Variants in RBX1 observed in about 807,000 individuals in gnomAD.
The protein encoded by RBX1 is ring-box 1.
For synonymous variants in RBX1, 48 were observed against 47.9 expected (o/e 1.00, Z -0.01); for missense variants, 46 against 141.4 (o/e 0.33, Z 3.42).
At chr22:40,968,032 A>G (rs909793720) in intron 4 of RBX1, 148 bp downstream of exon 4, 2 of 532,654 alleles carry the variant, frequency 3.8e-6, no homozygotes, top group Admixed American at 3.2e-5. Context: ...CTATATGGAA[A>G]ATGCACAAAG....
chr22:40,959,918 A>G (rs1223663767), intron 2 of RBX1, among the ~76,000 whole-genome samples: 2 of 152,118 alleles, frequency 1.3e-5, no homozygotes, highest in Non-Finnish European at 2.9e-5. Flanking sequence ...GGAGTTAAAG[A>G]CCAGCCTGGC....
chr22:40,955,154 A>G (rs766831340), intron 2 of RBX1, among the ~76,000 whole-genome samples: 13 of 152,136 alleles, frequency 8.5e-5, no homozygotes, highest in South Asian at 2.1e-4. Context: ...TTTTTTGCCT[A>G]GAATATTCTT....
chr22:40,967,665 T>C, intron 3 of RBX1, 134 bp from the exon 4 acceptor site: 1 of 613,440 alleles, frequency 1.6e-6, no homozygotes, highest in Non-Finnish European at 2.9e-6. Context: ...TTGTTGAACT[T>C]TTGCCTCTCG....
rs547995606 is a variant in RBX1, at chr22:40,968,343, G to A, written c.314+459G>A. On this transcript the variant is annotated intron_variant, in intron 4 of 4. Coordinates refer to ENST00000216225, the MANE Select transcript of RBX1 (RefSeq NM_014248.4). ...TGATCTCAACTGATCTGCCTGCCTC[G>A]GTCTCCCAAAGTGCTGGGATTACAG... is the stretch of plus-strand genomic sequence containing the variant. Among the ~76,000 whole-genome samples the A allele has an allele frequency of 2.0e-4, 30 of 152,040 alleles. No individual in the cohort carries two copies. In the South Asian group the frequency reaches 5.6e-3, roughly 28 times the overall value.
chr22:40,952,471 A>G (rs1489483938), intron 1 of RBX1, among the ~76,000 whole-genome samples: 1 of 152,200 alleles, frequency 6.6e-6, no homozygotes, highest in African/African-American at 2.4e-5. Flanking sequence ...CAGCAGCCAT[A>G]TTGAAAAATA....
At position 40,964,212 on chromosome 22, in the gene RBX1, C is replaced by G. The variant is rs12170314; in HGVS notation, c.228+95C>G. 7.9e-6 allele frequency: 7 copies of G among 889,708 alleles called. No homozygotes were observed. The African/African-American group carries it at 8.3e-5, about 11-fold the overall frequency. 55.1% of individuals were successfully genotyped at this position (889,708 alleles called of 1,614,324 possible). Reference sequence around the variant, plus strand: ...TGAAAATAACTAGGGAAAAAAATGACTAGTCCACCTTTCTCCCAAAAGGTA... The same window carrying G: ...TGAAAATAACTAGGGAAAAAAATGAGTAGTCCACCTTTCTCCCAAAAGGTA... On this transcript the variant is annotated intron_variant, in intron 3 of 4. Transcript: ENST00000216225.
At chr22:40,969,596 T>TA (rs1247222319) in intron 4 of RBX1, among the ~76,000 whole-genome samples, 4 of 151,626 alleles carry the variant, frequency 2.6e-5, no homozygotes, top group African/African-American at 9.7e-5. Context: ...CAAAAAATAG[T>TA]AAATTAGGCC....
intron 1 of RBX1, 54 bp downstream of exon 1, chr22:40,951,530 T>C: frequency 6.4e-7 from 1 of 1,559,698 alleles, no homozygotes. Flanking sequence ...CGGATCTGGC[T>C]GGCAGGCCCG....
chr22:40,960,424 G>A (rs1183704224), intron 2 of RBX1, among the ~76,000 whole-genome samples: 1 of 152,120 alleles, frequency 6.6e-6, no homozygotes, highest in African/African-American at 2.4e-5. Context: ...GAGAGTGATA[G>A]GAGGAGGAGC....
In RBX1 at chr22:40,967,882, A is replaced by G. The variant is rs2058358310; in HGVS notation, c.312A>G (p.Gln104=). 6.2e-7 allele frequency: 1 copy of G among 1,610,180 alleles called. No homozygotes were observed. Among genetic ancestry groups the G allele is most frequent in the African/African-American group, 1.3e-5 (1 of 74,820 alleles). Residue 104 remains glutamine (Q), a splice_region_variant and synonymous_variant, in exon 4 of 5, where the codon CAA becomes CAG. Coordinates refer to ENST00000216225, the MANE Select transcript of RBX1 (RefSeq NM_014248.4). ...CPLDNREWEF[Q]KYGH is the part of the protein sequence containing the mutation. ...TGGACAACAGAGAGTGGGAATTCCAAAAGTAGGTATCTTTGGTTGTTTTGA... is the reference window on the plus strand; with the variant it reads ...TGGACAACAGAGAGTGGGAATTCCAGAAGTAGGTATCTTTGGTTGTTTTGA...
chr22:40,968,373 G>A (rs1285114431), intron 4 of RBX1, among the ~76,000 whole-genome samples: 1 of 152,038 alleles, frequency 6.6e-6, no homozygotes, highest in African/African-American at 2.4e-5. Context: ...TTACAGGTGT[G>A]AGCCACCGTG....
At chr22:40,953,671 G>A (rs1457017916) in intron 2 of RBX1, 38 bp downstream of exon 2, 1 of 1,423,886 alleles carries the variant, frequency 7.0e-7, no homozygotes, top group Non-Finnish European at 9.9e-7. Context: ...AGTTGAGAAG[G>A]TTGCAGAGAT....
At chr22:40,966,350 C>T (rs1383197642) in intron 3 of RBX1, 2 of 152,230 alleles carry the variant, frequency 1.3e-5, no homozygotes, top group Non-Finnish European at 2.9e-5. Context: ...GTGGTATGCT[C>T]TGACTTAGTT....
intron 1 of RBX1, 35 bp from the exon 2 acceptor site, chr22:40,953,520 G>A (rs1295744145): frequency 3.6e-6 from 5 of 1,380,094 alleles, no homozygotes; most frequent in Non-Finnish European, 4.1e-6. Context: ...TGTGTTACAA[G>A]CAGAATGCAC....
At chr22:40,971,852 C>T (rs540694709) in intron 4 of RBX1, among the ~76,000 whole-genome samples, 35 of 152,146 alleles carry the variant, frequency 2.3e-4, no homozygotes, top group Non-Finnish European at 4.4e-4. Flanking sequence ...CCACTGCACC[C>T]GGCCCCCGTT....
chr22:40,960,143 C>T (rs948556179), intron 2 of RBX1, among the ~76,000 whole-genome samples: 3 of 152,038 alleles, frequency 2.0e-5, no homozygotes, highest in African/African-American at 4.8e-5. Context: ...GTATTTGTCC[C>T]GTATTTCTTC....
At position 40,964,000 on chromosome 22, in the gene RBX1, G is replaced by C. The variant is rs201608358; in HGVS notation, c.158-47G>C. On this transcript the variant is annotated intron_variant, in intron 2 of 4. Transcript: ENST00000216225. ...TGTTTTGGCTGCTATAGATTGAAAC[G>C]TTGCTGCTCCCAAGGTCCAGTGATC... The C allele has an allele frequency of 1.6e-5, 23 of 1,451,506 alleles. No homozygotes were observed. The African/African-American group carries it at 2.9e-4, about 18-fold the overall frequency. The allele number at this position is 1,451,506 out of a possible 1,614,324, so 89.9% of individuals were successfully genotyped here.
intron 1 of RBX1, among the ~76,000 whole-genome samples, chr22:40,953,197 G>A (rs779788528): frequency 7.2e-5 from 11 of 152,146 alleles, no homozygotes; most frequent in Non-Finnish European, 1.2e-4. Context: ...TGCCATGTTG[G>A]CCAGGCTGGT....
Position 40,972,999 on chromosome 22 carries a change from C to G in RBX1, c.*511C>G, listed in dbSNP as rs1031369328. The G allele has an allele frequency of 6.3e-6, 1 of 158,310 alleles. No individual in the cohort carries two copies. The highest frequency in any genetic ancestry group is 1.4e-5 in the Non-Finnish European group (1 of 71,600). 9.8% of individuals were successfully genotyped at this position (158,310 alleles called of 1,614,324 possible). A position where few individuals can be genotyped will look rare whatever the true frequency, so the allele number is the denominator to read the frequency against. On this transcript the variant is annotated 3_prime_UTR_variant, in exon 5 of 5. Coordinates refer to ENST00000216225, the MANE Select transcript of RBX1 (RefSeq NM_014248.4). Reference sequence around the variant, plus strand: ...GATGGCAATCTTGGCCAAGTTGTCTCTCTACTCTGAACTTTCCTCCTCTGT... The same window carrying G: ...GATGGCAATCTTGGCCAAGTTGTCTGTCTACTCTGAACTTTCCTCCTCTGT...
Sources: allele counts gnomAD v4.1 joint callset (sites outside exome capture counted in the v4.1 genomes callset), GRCh38; gene constraint gnomAD v4.1.1; transcripts MANE v1.5; gene names NCBI Gene and HGNC (gene_info 2026-07-23, HGNC 2026-07-21).